The following CACNB2 variants were observed in gnomAD, a reference collection of about 807,000 sequenced individuals.
CACNB2 encodes voltage-dependent L-type calcium channel subunit beta-2.
A neutral mutation model predicts 73.3 loss-of-function variants in CACNB2; 42 were observed. The ratio of observed to expected loss-of-function variants is 0.57; its 90% CI spans 0.45 to 0.74. The LOEUF (loss-of-function observed/expected upper bound fraction) is 0.74. CACNB2 is among the 30% of genes least tolerant of loss of function. The pLI, the probability that CACNB2 is intolerant of heterozygous loss-of-function variation, is 0.00. For missense variants in CACNB2, 940 were observed against 853.0 expected (o/e 1.10, Z -1.27); for synonymous variants, 348 against 310.3 (o/e 1.12, Z -1.28).
chr10:18,220,335 T>C (rs1210044308), intron 2 of CACNB2, among the ~76,000 whole-genome samples: 1 of 142,956 alleles, frequency 7.0e-6, no homozygotes, highest in Non-Finnish European at 1.5e-5. Context: ...TCTCAGCTCA[T>C]TGCAACCCTC....
In CACNB2 at chr10:18,491,294, T is replaced by C. The variant is rs969254784; in HGVS notation, c.334-7061T>C. On this transcript the variant is annotated intron_variant, in intron 3 of 13. Transcript: ENST00000324631. ...CCATGATGCTGGAAAACCATAAAAA[T>C]CTGGTAGGGCAGGGTGTGGTGGCTC... Among the ~76,000 whole-genome samples, 6 of 152,104 alleles carry C rather than the reference T, an allele frequency of 3.9e-5. 1 individual carries two copies. Among genetic ancestry groups the C allele is most frequent in the Non-Finnish European group, 8.8e-5 (6 of 68,022 alleles).
At chr10:18,418,718 T>C (rs1222287781) in intron 3 of CACNB2, among the ~76,000 whole-genome samples, 1 of 152,098 alleles carries the variant, frequency 6.6e-6, no homozygotes, top group African/African-American at 2.4e-5. Flanking sequence ...TCACTTCCCT[T>C]TTTTTTGGTC....
At chr10:18,225,326 C>A (rs557994840) in intron 2 of CACNB2, among the ~76,000 whole-genome samples, 1 of 152,080 alleles carries the variant, frequency 6.6e-6, no homozygotes, top group African/African-American at 2.4e-5. Flanking sequence ...TTATTAAGTC[C>A]CTACTTGATG....
intron 2 of CACNB2, among the ~76,000 whole-genome samples, chr10:18,361,892 C>A (rs973179134): frequency 1.3e-5 from 2 of 152,164 alleles, no homozygotes; most frequent in East Asian, 3.9e-4. Flanking sequence ...GGATTACAGG[C>A]GTGAGCCACC....
intron 2 of CACNB2, among the ~76,000 whole-genome samples, chr10:18,235,233 G>A (rs966234563): frequency 2.6e-5 from 4 of 151,722 alleles, no homozygotes; most frequent in African/African-American, 4.8e-5. Flanking sequence ...CAGGAGGATC[G>A]CTGGAGACTG....
chr10:18,274,816 A>G (rs936749812), intron 2 of CACNB2, among the ~76,000 whole-genome samples: 1 of 152,228 alleles, frequency 6.6e-6, no homozygotes, highest in East Asian at 1.9e-4. Flanking sequence ...TAAAATTTCA[A>G]AATGAATCCC....
At chr10:18,484,301 G>T (rs918577795) in intron 3 of CACNB2, among the ~76,000 whole-genome samples, 1 of 151,934 alleles carries the variant, frequency 6.6e-6, no homozygotes, top group Non-Finnish European at 1.5e-5. Flanking sequence ...GGCTGAGGCA[G>T]GAGAATCACT....
intron 2 of CACNB2, among the ~76,000 whole-genome samples, chr10:18,370,496 C>A (rs957483317): frequency 1.3e-5 from 2 of 152,168 alleles, no homozygotes; most frequent in Non-Finnish European, 2.9e-5. Flanking sequence ...GACAGGGTTT[C>A]GCCATGTTGG....
chr10:18,381,457 G>A lies in CACNB2; in HGVS notation c.214-20467G>A, dbSNP rs142976609. Among the ~76,000 whole-genome samples, 447 of 152,062 alleles carry A rather than the reference G, an allele frequency of 2.9e-3. 1 individual carries two copies. Among genetic ancestry groups the A allele is most frequent in the African/African-American group, 0.011 (438 of 41,444 alleles). On this transcript the variant is annotated intron_variant, in intron 2 of 13. Coordinates refer to ENST00000324631, the MANE Select transcript of CACNB2 (RefSeq NM_201596.3). ...TGTAACCCCAAAACTTTGGGAGGCT[G>A]AGGCGGGTGGATCCGGAGGTCAGGA...
At chr10:18,313,811 T>C (rs999392356) in intron 2 of CACNB2, among the ~76,000 whole-genome samples, 3 of 152,242 alleles carry the variant, frequency 2.0e-5, no homozygotes, top group African/African-American at 7.2e-5. Flanking sequence ...AAGCGGTATG[T>C]TCCCACACTA....
At chr10:18,293,119 C>CT (rs1290511164) in intron 2 of CACNB2, among the ~76,000 whole-genome samples, 5 of 152,206 alleles carry the variant, frequency 3.3e-5, no homozygotes, top group Admixed American at 2.6e-4. Flanking sequence ...GACAGTTATT[C>CT]TTTAAGAGTA....
At chr10:18,195,594 G>C (rs536158510) in intron 2 of CACNB2, among the ~76,000 whole-genome samples, 6 of 152,232 alleles carry the variant, frequency 3.9e-5, no homozygotes, top group African/African-American at 1.4e-4. Flanking sequence ...CGGCCAGAGA[G>C]ATGCGCAGCA....
rs531702426 is a variant in CACNB2 at position 18,202,101 on chromosome 10, T to A, written c.213+51126T>A. ...ACAGTTCCCTATTTTGGTGGTAGTTTGATTAGAGAGGGAAGAGTACATGCT... is the reference window on the plus strand; with the variant it reads ...ACAGTTCCCTATTTTGGTGGTAGTTAGATTAGAGAGGGAAGAGTACATGCT... On this transcript the variant is annotated intron_variant, in intron 2 of 13. Coordinates refer to ENST00000324631, the MANE Select transcript of CACNB2 (RefSeq NM_201596.3). Among the ~76,000 whole-genome samples, 15 of 152,326 alleles carry A rather than the reference T, an allele frequency of 9.8e-5. No individual in the cohort carries two copies. The South Asian group carries it at 2.1e-3, about 21-fold the overall frequency.
chr10:18,158,584 C>G (rs2032224992), intron 2 of CACNB2, among the ~76,000 whole-genome samples: 2 of 152,004 alleles, frequency 1.3e-5, no homozygotes, highest in Non-Finnish European at 2.9e-5. Flanking sequence ...AGCTATAATT[C>G]TTAATCTTTT....
intron 2 of CACNB2, among the ~76,000 whole-genome samples, chr10:18,350,847 G>T (rs1312980904): frequency 6.6e-6 from 1 of 152,138 alleles, no homozygotes; most frequent in Admixed American, 6.5e-5. Context: ...TCGTTCTGCC[G>T]TCCATGCTGG....
intron 2 of CACNB2, among the ~76,000 whole-genome samples, chr10:18,360,260 T>C (rs2042090653): frequency 6.6e-6 from 1 of 152,218 alleles, no homozygotes; most frequent in Admixed American, 6.5e-5. Flanking sequence ...AGTCTCACTC[T>C]GTTGCCTAGG....
intron 1 of CACNB2, among the ~76,000 whole-genome samples, chr10:18,149,339 A>C (rs965146710): frequency 6.6e-6 from 1 of 152,214 alleles, no homozygotes; most frequent in East Asian, 1.9e-4. Flanking sequence ...TGTTTACACA[A>C]GTAAAAAGAA....
intron 1 of CACNB2, among the ~76,000 whole-genome samples, chr10:18,147,760 T>A (rs2131013908): frequency 6.6e-6 from 1 of 152,318 alleles, no homozygotes; most frequent in East Asian, 1.9e-4. Context: ...GAACACTTAA[T>A]CTTCCCTGTC....
At chr10:18,483,412 TC>T (rs1358234078) in intron 3 of CACNB2, among the ~76,000 whole-genome samples, 1 of 150,820 alleles carries the variant, frequency 6.6e-6, no homozygotes, top group Admixed American at 6.6e-5. Flanking sequence ...GTTCCTATAA[TC>T]CCAGCTACTC....
Sources: gnomAD v4.1 joint callset for allele counts (sites outside exome capture counted in the v4.1 genomes callset) on GRCh38, gnomAD v4.1.1 for gene constraint, MANE v1.5 for transcripts, NCBI Gene and HGNC (gene_info 2026-07-23, HGNC 2026-07-21) for gene names.